ZNF284: variants seen among roughly 807,000 people sequenced by gnomAD.
ZNF284 encodes the protein zinc finger protein 284.
In ZNF284, 12 loss-of-function variants were observed where a neutral mutation model predicts 12.9. The ratio of observed to expected loss-of-function variants is 0.93; its 90% CI spans 0.60 to 1.51. The LOEUF is 1.51. Among genes scored for constraint, ZNF284 ranks in the 40% most tolerant of loss-of-function variants. The pLI is 0.00. For synonymous variants in ZNF284, 225 were observed against 236.5 expected (o/e 0.95, Z 0.45); for missense variants, 667 against 707.3 (o/e 0.94, Z 0.65).
chr19:44,086,298 C>T lies in ZNF284; in HGVS notation c.820C>T (p.Leu274Phe). The T allele has an allele frequency of 6.2e-7, 1 of 1,614,156 alleles. No homozygotes were observed. Among genetic ancestry groups the T allele is most frequent in the Middle Eastern group, 1.6e-4 (1 of 6,062 alleles). Residue 274 changes from leucine to phenylalanine, a missense_variant, in exon 5 of 5, where the codon CTT becomes TTT. Coordinates refer to ENST00000421176, the MANE Select transcript of ZNF284 (RefSeq NM_001037813.4). The part of the protein sequence containing the change: ...CGKAFIHNSQ[L>F]REHQRIHTGE... ...GAAGGCCTTCATTCACAATTCCCAG[C>T]TTCGGGAACATCAAAGAATCCATAC...
chr19:44,086,711 T>C lies in ZNF284; in HGVS notation c.1233T>C (p.Asn411=). 6.2e-7 allele frequency: 1 copy of C among 1,614,022 alleles called. No individual in the cohort carries two copies. The highest frequency in any genetic ancestry group is 1.6e-4 in the Middle Eastern group (1 of 6,062). Reference sequence around the variant, plus strand: ...GATGTGGGAAGAGATTTTATATGAATTCACAGGGCCATTCACATCAGAGAG... The same window carrying C: ...GATGTGGGAAGAGATTTTATATGAACTCACAGGGCCATTCACATCAGAGAG... ...CDGCGKRFYM[N]SQGHSHQRAY... Residue 411 remains asparagine (N), a synonymous_variant, in exon 5 of 5, where the codon AAT becomes AAC. Transcript: ENST00000421176.
chr19:44,075,898 G>T lies in ZNF284; in HGVS notation c.-68-424G>T, dbSNP rs144338491. 1.4e-4 allele frequency among the ~76,000 whole-genome samples: 21 copies of T among 152,226 alleles called. No individual in the cohort carries two copies. The East Asian group carries it at 3.9e-3, about 28-fold the overall frequency. On this transcript the variant is annotated intron_variant, in intron 1 of 4. Coordinates refer to ENST00000421176, the MANE Select transcript of ZNF284 (RefSeq NM_001037813.4). ...TTTTTATCTCCCAGTTGGACTCCTT[G>T]TGCCCATTTATAGTTAAACCTCATT...
At chr19:44,084,549 C>T (rs1967194590) in intron 4 of ZNF284, among the ~76,000 whole-genome samples, 1 of 152,118 alleles carries the variant, frequency 6.6e-6, no homozygotes, top group African/African-American at 2.4e-5. Flanking sequence ...GCAGCAGCCC[C>T]AGACAGGCAG....
At chr19:44,081,853 T>G (rs1967131980) in intron 3 of ZNF284, among the ~76,000 whole-genome samples, 160 bp from the exon 4 acceptor site, 1 of 152,084 alleles carries the variant, frequency 6.6e-6, no homozygotes, top group Non-Finnish European at 1.5e-5. Flanking sequence ...CAGCTCCCTC[T>G]TATGACATGT....
At chr19:44,073,252 T>A (rs1219776476) in intron 1 of ZNF284, among the ~76,000 whole-genome samples, 1 of 152,156 alleles carries the variant, frequency 6.6e-6, no homozygotes, top group Non-Finnish European at 1.5e-5. Flanking sequence ...TAGTTGATAA[T>A]CTTTTGGATA....
intron 1 of ZNF284, among the ~76,000 whole-genome samples, chr19:44,075,715 C>T (rs79234880): frequency 0.031 from 4,680 of 152,250 alleles, 105 homozygotes; most frequent in Non-Finnish European, 0.047. Flanking sequence ...AGAATTCAGT[C>T]TTACTGATTT....
At chr19:44,072,909 A>C (rs1241259167) in intron 1 of ZNF284, among the ~76,000 whole-genome samples, 1 of 152,256 alleles carries the variant, frequency 6.6e-6, no homozygotes, top group East Asian at 1.9e-4. Flanking sequence ...AAAGAGCTGC[A>C]GGGAGGGACT....
At chr19:44,076,646 C>G (rs760536896) in intron 2 of ZNF284, among the ~76,000 whole-genome samples, 1 of 152,148 alleles carries the variant, frequency 6.6e-6, no homozygotes, top group Admixed American at 6.6e-5. Context: ...TCCCATTTCA[C>G]TACATCTTTT....
chr19:44,085,510 TAA>T (rs1330820546), intron 4 of ZNF284, among the ~76,000 whole-genome samples: 3 of 152,214 alleles, frequency 2.0e-5, no homozygotes, highest in African/African-American at 7.2e-5. Context: ...TATTTTAAAT[TAA>T]GTCTTTCATT....
intron 4 of ZNF284, 25 bp downstream of exon 4, chr19:44,082,130 C>G (rs1967137372): frequency 6.4e-7 from 1 of 1,571,652 alleles, no homozygotes; most frequent in South Asian, 1.1e-5. Context: ...ACGATGCATC[C>G]TTGTACGTGA....
intron 2 of ZNF284, 149 bp downstream of exon 2, chr19:44,076,553 T>C (rs980781804): frequency 1.3e-6 from 1 of 786,142 alleles, no homozygotes; most frequent in African/African-American, 1.8e-5. Flanking sequence ...TTCTTTTGTG[T>C]TGAATTTGCG....
At chr19:44,082,167 A>G (rs1333673622) in intron 4 of ZNF284, 62 bp downstream of exon 4, 1 of 1,357,494 alleles carries the variant, frequency 7.4e-7, no homozygotes, top group East Asian at 2.3e-5. Flanking sequence ...ACTTCTGTCC[A>G]TTGCCCAACT....
chr19:44,078,869 C>T (rs971421294), intron 2 of ZNF284, among the ~76,000 whole-genome samples: 4 of 152,184 alleles, frequency 2.6e-5, no homozygotes, highest in African/African-American at 7.2e-5. Flanking sequence ...TGGCTCACTA[C>T]AACCTCCGCC....
At chr19:44,077,761 T>G (rs1426258025) in intron 2 of ZNF284, among the ~76,000 whole-genome samples, 5 of 152,090 alleles carry the variant, frequency 3.3e-5, no homozygotes, top group African/African-American at 9.7e-5. Context: ...TTAGCTATTT[T>G]GCTAAATTGA....
intron 2 of ZNF284, among the ~76,000 whole-genome samples, chr19:44,078,715 C>T (rs928586498): frequency 1.3e-5 from 2 of 152,150 alleles, no homozygotes; most frequent in African/African-American, 4.8e-5. Flanking sequence ...CCACCTTAGC[C>T]TCTTAAAGCA....
Position 44,088,153 on chromosome 19 carries a change from T to C in ZNF284, c.*893T>C, listed in dbSNP as rs1568525685. On this transcript the variant is annotated 3_prime_UTR_variant, in exon 5 of 5. Transcript: ENST00000421176. Reference sequence around the variant, plus strand: ...GCCTTGAACTCCCAAACTCAAATGGTCCACCTGCCTTGGCCTCCCAAAGTG... The same window carrying C: ...GCCTTGAACTCCCAAACTCAAATGGCCCACCTGCCTTGGCCTCCCAAAGTG... The C allele has an allele frequency of 6.6e-6, 1 of 152,234 alleles. No individual in the cohort carries two copies. The highest frequency in any genetic ancestry group is 1.5e-5 in the Non-Finnish European group (1 of 68,076). The allele number at this position is 152,234 out of a possible 1,614,324, so 9.4% of individuals were successfully genotyped here.
chr19:44,085,107 T>G (rs1967209107), intron 4 of ZNF284: 1 of 152,346 alleles, frequency 6.6e-6, no homozygotes, highest in South Asian at 2.1e-4. Context: ...GCTCTCCTTT[T>G]GTGCTTCGGG....
intron 4 of ZNF284, 84 bp downstream of exon 4, chr19:44,082,189 G>A: frequency 1.8e-6 from 2 of 1,119,964 alleles, no homozygotes; most frequent in South Asian, 3.0e-5. Context: ...CATTGCCCTG[G>A]TATAAATGGC....
intron 4 of ZNF284, among the ~76,000 whole-genome samples, chr19:44,083,892 T>C (rs1967179104): frequency 6.6e-6 from 1 of 152,094 alleles, no homozygotes; most frequent in Non-Finnish European, 1.5e-5. Flanking sequence ...AGCAGGCTTG[T>C]AGGACCTGTC....
Sources: allele counts gnomAD v4.1 joint callset (sites outside exome capture counted in the v4.1 genomes callset), GRCh38; gene constraint gnomAD v4.1.1; transcripts MANE v1.5; gene names NCBI Gene and HGNC (gene_info 2026-07-23, HGNC 2026-07-21).